Variants in DCP1A observed in about 807,000 individuals in gnomAD.
DCP1A encodes mRNA-decapping enzyme 1A.
Under a neutral mutation model 58.0 loss-of-function variants are expected in DCP1A, and 20 were observed. The observed-to-expected ratio is 0.34, with a 90% CI of 0.24 to 0.50. The LOEUF is 0.50. Ranked by LOEUF, DCP1A falls within the 20% of genes least tolerant of loss-of-function variation. The pLI is 0.98. For missense variants in DCP1A, 613 were observed against 712.2 expected (o/e 0.86, Z 1.59); for synonymous variants, 285 against 275.1 (o/e 1.04, Z -0.36).
chr3:53,344,219 C>A (rs2089263091), intron 2 of DCP1A, among the ~76,000 whole-genome samples: 1 of 152,016 alleles, frequency 6.6e-6, no homozygotes, highest in Admixed American at 6.6e-5. Flanking sequence ...GGGAAGGAAC[C>A]TGCCCTTGTA....
chr3:53,345,634 A>G (rs1419488270), intron 1 of DCP1A, among the ~76,000 whole-genome samples: 1 of 152,180 alleles, frequency 6.6e-6, no homozygotes, highest in Admixed American at 6.5e-5. Flanking sequence ...TACAGCCTAC[A>G]ATGGACCTAA....
At chr3:53,344,635 G>A (rs945549095) in intron 2 of DCP1A, among the ~76,000 whole-genome samples, 4 of 152,092 alleles carry the variant, frequency 2.6e-5, no homozygotes, top group East Asian at 1.9e-4. Flanking sequence ...GAAGAGAGAC[G>A]CAGGCATCCA....
intron 3 of DCP1A, among the ~76,000 whole-genome samples, chr3:53,340,054 G>A (rs1433223490): frequency 3.3e-5 from 5 of 152,246 alleles, no homozygotes; most frequent in African/African-American, 1.2e-4. Context: ...CTCCTGGGTA[G>A]CTGGGACTAC....
intron 8 of DCP1A, chr3:53,290,541 C>A: frequency 1.6e-6 from 1 of 608,460 alleles, no homozygotes. Context: ...CTAAGATGTG[C>A]TGGGCTCCAT....
At chr3:53,315,770 T>TTTTTTTTA (rs1707791323) in intron 4 of DCP1A, among the ~76,000 whole-genome samples, 1 of 144,690 alleles carries the variant, frequency 6.9e-6, no homozygotes, top group African/African-American at 2.6e-5. Context: ...TTTTTTTTTT[T>TTTTTTTTA]TGAGACGGAG....
chr3:53,315,534 CAAAAAAAAAAA>C (rs1211486616), intron 4 of DCP1A, among the ~76,000 whole-genome samples: 10 of 64,996 alleles, frequency 1.5e-4, no homozygotes, highest in Non-Finnish European at 2.2e-4. Flanking sequence ...GACTCTGTCT[CAAAAAAAAAAA>C]AAAAAAAAAA....
In DCP1A at chr3:53,287,620, A is replaced by G; in HGVS notation, c.1709T>C (p.Leu570Ser). Residue 570 changes from leucine (L) to serine (S), a missense_variant, in exon 10 of 10, where the codon TTG becomes TCG. By Grantham distance (145) the Leu-to-Ser change is moderately radical (BLOSUM62 -2). Around this residue, in one of 3 missense-constraint regions of DCP1A, gnomAD observed 498 missense variants for 556.7 expected, o/e 0.89. Transcript: ENST00000610213. ...GTCTTTGTTCTTGGTCAGAACCTGC[A>G]AGTAGACTTCATGAAGTGTACTGAG... ...SFLSTLHEVY[L>S]QVLTKNKDNH... 1 of 1,612,572 alleles carries G rather than the reference A, an allele frequency of 6.2e-7. No individual in the cohort carries two copies. The highest frequency in any genetic ancestry group is 1.3e-5 in the African/African-American group (1 of 74,934).
chr3:53,338,272 C>T (rs2106890899), intron 3 of DCP1A: 1 of 274,076 alleles, frequency 3.6e-6, no homozygotes, highest in East Asian at 8.9e-5. Flanking sequence ...AAGGCCCTTG[C>T]ACAGAATAAA....
rs377109917 is a variant in DCP1A, at chr3:53,297,415, C to A, written c.625-4588G>T. On this transcript the variant is annotated intron_variant, in intron 6 of 9. Transcript: ENST00000610213. ...TCTTGCTGTCACCCAGGCTGGAGTG[C>A]AGTGGTGTGATCACGGCTCACTGCA... Among the ~76,000 whole-genome samples the A allele has an allele frequency of 2.7e-5, 4 of 149,916 alleles. No individual in the cohort carries two copies. The East Asian group carries it at 5.8e-4, about 22-fold the overall frequency.
intron 3 of DCP1A, chr3:53,338,188 G>A (rs1436015477): frequency 2.1e-5 from 9 of 435,624 alleles, no homozygotes; most frequent in Non-Finnish European, 3.7e-5. Flanking sequence ...AAATACCACT[G>A]CTACTCAATA....
chr3:53,302,905 G>C (rs1011698752), intron 6 of DCP1A, among the ~76,000 whole-genome samples: 1 of 151,896 alleles, frequency 6.6e-6, no homozygotes, highest in African/African-American at 2.4e-5. Flanking sequence ...TTACAGGCAT[G>C]AGCCACTGCA....
intron 2 of DCP1A, among the ~76,000 whole-genome samples, chr3:53,344,509 T>C (rs190067587): frequency 5.3e-4 from 80 of 152,356 alleles, no homozygotes; most frequent in African/African-American, 1.8e-3. Context: ...ACCACTCATG[T>C]AGTAATGAAA....
intron 3 of DCP1A, among the ~76,000 whole-genome samples, chr3:53,339,384 T>C (rs2089167426): frequency 6.6e-6 from 1 of 152,212 alleles, no homozygotes; most frequent in Non-Finnish European, 1.5e-5. Flanking sequence ...ATTAATGCAC[T>C]TTCTCCCCAA....
intron 5 of DCP1A, among the ~76,000 whole-genome samples, chr3:53,311,965 A>AG (rs1438509199): frequency 2.0e-5 from 3 of 151,820 alleles, no homozygotes; most frequent in African/African-American, 4.8e-5. Context: ...AAAAAAAAAA[A>AG]AGAGAGACAC....
intron 6 of DCP1A, among the ~76,000 whole-genome samples, chr3:53,302,962 T>C (rs1220028139): frequency 1.3e-5 from 2 of 149,372 alleles, no homozygotes; most frequent in Non-Finnish European, 3.0e-5. Flanking sequence ...TTAAATTAAA[T>C]TTTTGAGACA....
intron 1 of DCP1A, among the ~76,000 whole-genome samples, chr3:53,346,621 CAGTG>C (rs1482322705): frequency 6.6e-6 from 1 of 152,194 alleles, no homozygotes; most frequent in Non-Finnish European, 1.5e-5. Context: ...TAACAAGAAT[CAGTG>C]AACACACTGA....
At chr3:53,344,767 A>G (rs1027443639) in intron 2 of DCP1A, 135 bp downstream of exon 2, 16 of 570,902 alleles carry the variant, frequency 2.8e-5, no homozygotes, top group Non-Finnish European at 4.9e-5. Flanking sequence ...TTAAGATTTC[A>G]CAGCTAGGGA....
intron 5 of DCP1A, among the ~76,000 whole-genome samples, chr3:53,306,570 G>C (rs782429561): frequency 3.3e-4 from 50 of 151,634 alleles, no homozygotes; most frequent in Admixed American, 1.7e-3. Flanking sequence ...TAAAAATAGA[G>C]ACCATCCTGG....
At chr3:53,317,643 G>C (rs1553689401) in intron 4 of DCP1A, among the ~76,000 whole-genome samples, 1 of 152,104 alleles carries the variant, frequency 6.6e-6, no homozygotes. Context: ...TTAAGCCCAG[G>C]AGTTTGAGAC....
Sources: gnomAD v4.1 joint callset for allele counts (sites outside exome capture counted in the v4.1 genomes callset) on GRCh38, gnomAD v4.1.1 for gene constraint, gnomAD v4.1.1 regional missense constraint, MANE v1.5 for transcripts, NCBI Gene and HGNC (gene_info 2026-07-23, HGNC 2026-07-21) for gene names.